The following ZNF462 variants were observed in gnomAD, a reference collection of about 807,000 sequenced individuals.
ZNF462 encodes zinc finger protein 462.
ZNF462 carries 10 observed loss-of-function variants against 201.9 expected under a neutral mutation model. The ratio of observed to expected loss-of-function variants is 0.05; its 90% confidence interval spans 0.03 to 0.08. The LOEUF is 0.08. Among genes scored for constraint, ZNF462 ranks in the 10% least tolerant of loss-of-function variants. ZNF462 has a pLI of 1.00. For missense variants in ZNF462, 2,523 were observed against 3,168.3 expected, an observed-to-expected ratio of 0.80 and a Z score of 4.89; for synonymous variants, 1,227 against 1,193.3, an observed-to-expected ratio of 1.03 and a Z score of -0.58.
At chr9:106,860,474 C>T (rs1341104389), upstream of ZNF462, among the ~76,000 whole-genome samples, 1 of 152,066 alleles carries the variant, frequency 6.6e-6, no homozygotes, top group African/African-American at 2.4e-5. The surrounding 1 kb of genome is among the most constrained non-coding windows in gnomAD (Gnocchi z 7.1). Context: ...TCCCTCCCCA[C>T]CGCCTGGTTC....
At chr9:106,939,575 G>A (rs1830779825) in intron 7 of ZNF462, among the ~76,000 whole-genome samples, 1 of 152,182 alleles carries the variant, frequency 6.6e-6, no homozygotes, top group African/African-American at 2.4e-5. Flanking sequence ...GTGTCTGACT[G>A]AGCCACGTGA....
intron 1 of ZNF462, among the ~76,000 whole-genome samples, chr9:106,875,283 A>G (rs916920384): frequency 5.9e-5 from 9 of 152,304 alleles, no homozygotes; most frequent in African/African-American, 1.9e-4. Context: ...ACAGAAAAAG[A>G]AATTCTTAAG....
Position 106,886,924 on chromosome 9 carries a change from G to A in ZNF462, c.-31+23569G>A, listed in dbSNP as rs2130997994. On this transcript the variant is annotated intron_variant, in intron 1 of 12. Transcript: ENST00000277225. This position sits in a 1 kb window ranked among gnomAD's most constrained non-coding sequence, Gnocchi z 4.6. ...AGAGAAGTCTGCAATAGGCGGGAGA[G>A]GGTAAATGACAGGCGGTGGCACTTC... Among the ~76,000 whole-genome samples, 1 of 152,156 alleles carries A rather than the reference G, an allele frequency of 6.6e-6. No homozygotes were observed. The highest frequency in any genetic ancestry group is 2.4e-5 in the African/African-American group (1 of 41,506).
At chr9:106,869,928 C>G (rs1287775690) in intron 1 of ZNF462, among the ~76,000 whole-genome samples, 1 of 151,658 alleles carries the variant, frequency 6.6e-6, no homozygotes, top group Non-Finnish European at 1.5e-5. Flanking sequence ...TTTTTTTCCC[C>G]TTGAACTTTG....
In ZNF462 at chr9:106,885,734, G is replaced by T. The variant is rs555695083; in HGVS notation, c.-31+22379G>T. ...TCACCCTTTAGGCGTATGGTGCAGA[G>T]CTCATGCTACCATCAAGACTTTAGA... On this transcript the variant is annotated intron_variant, in intron 1 of 12. Transcript: ENST00000277225. The surrounding 1 kb of genome is among the most constrained non-coding windows in gnomAD (Gnocchi z 4.1). 5.9e-5 allele frequency among the ~76,000 whole-genome samples: 9 copies of T among 152,336 alleles called. No homozygotes were observed. The South Asian group carries it at 1.9e-3, about 32-fold the overall frequency.
At chr9:106,898,829 TG>T (rs1357007402) in intron 1 of ZNF462, among the ~76,000 whole-genome samples, 1 of 152,140 alleles carries the variant, frequency 6.6e-6, no homozygotes, top group Non-Finnish European at 1.5e-5. Flanking sequence ...TTGCTGACCA[TG>T]ATGAATTTGG....
At chr9:106,912,061 A>G (rs1432714243) in intron 1 of ZNF462, among the ~76,000 whole-genome samples, 1 of 152,160 alleles carries the variant, frequency 6.6e-6, no homozygotes, top group East Asian at 1.9e-4. Context: ...GACATTCGTA[A>G]GGCTGACTAC....
At position 106,950,605 on chromosome 9, in the gene ZNF462, A is replaced by G. The variant is rs956226279; in HGVS notation, c.6427+11498A>G. Among the ~76,000 whole-genome samples the G allele has an allele frequency of 1.3e-5, 2 of 152,234 alleles. No individual in the cohort carries two copies. Among genetic ancestry groups the G allele is most frequent in the Non-Finnish European group, 2.9e-5 (2 of 68,034 alleles). On this transcript the variant is annotated intron_variant, in intron 7 of 12. Transcript: ENST00000277225. This position sits in a 1 kb window ranked among gnomAD's most constrained non-coding sequence, Gnocchi z 4.1. ...TATTAGAAGAAACATAATAATTGTCATAACTAAACCACAGGCAGACAGTGA... is the reference window on the plus strand; with the variant it reads ...TATTAGAAGAAACATAATAATTGTCGTAACTAAACCACAGGCAGACAGTGA...
intron 1 of ZNF462, among the ~76,000 whole-genome samples, chr9:106,921,648 G>A (rs1346674826): frequency 6.6e-6 from 1 of 152,216 alleles, no homozygotes; most frequent in Admixed American, 6.5e-5. Context: ...GGGGGATGGG[G>A]AGTGCACACT....
intron 1 of ZNF462, among the ~76,000 whole-genome samples, chr9:106,878,651 T>C (rs1249457298): frequency 3.9e-5 from 6 of 152,152 alleles, no homozygotes; most frequent in Non-Finnish European, 5.9e-5. Context: ...ATGATGGAGA[T>C]AGGTGTCCTC....
intron 1 of ZNF462, among the ~76,000 whole-genome samples, chr9:106,891,917 T>G (rs1292845233): frequency 1.3e-5 from 2 of 152,222 alleles, no homozygotes; most frequent in East Asian, 1.9e-4. Flanking sequence ...CACCTTGCTT[T>G]AGAGAGAGAA....
intron 7 of ZNF462, among the ~76,000 whole-genome samples, chr9:106,948,529 T>C (rs147573178): frequency 2.0e-5 from 3 of 152,316 alleles, no homozygotes; most frequent in African/African-American, 7.2e-5. Context: ...TTTATGGCAA[T>C]ACATAATAAA....
rs1356641518 is a variant in ZNF462, at chr9:106,974,424, C to T, written c.6832+151C>T. On this transcript the variant is annotated intron_variant, in intron 9 of 12. Coordinates refer to ENST00000277225, the MANE Select transcript of ZNF462 (RefSeq NM_021224.6). This position sits in a 1 kb window ranked among gnomAD's most constrained non-coding sequence, Gnocchi z 4.0. ...GAAACCACAGTGATAACCACAGTGA[C>T]AGCCAAAAGGGCAAAAACACCTTCC... 6 of 1,252,858 alleles carry T rather than the reference C, an allele frequency of 4.8e-6. No homozygotes were observed. The highest frequency in any genetic ancestry group is 1.5e-5 in the African/African-American group (1 of 67,810). 77.6% of individuals were successfully genotyped at this position (1,252,858 alleles called of 1,614,324 possible). A position where few individuals can be genotyped will look rare whatever the true frequency, so the allele number is the denominator to read the frequency against.
At chr9:106,873,470 T>G (rs1014581147) in intron 1 of ZNF462, among the ~76,000 whole-genome samples, 12 of 152,182 alleles carry the variant, frequency 7.9e-5, no homozygotes, top group African/African-American at 2.9e-4. Flanking sequence ...GGGCCCCTTT[T>G]GAAGCCTCAG....
chr9:106,932,809 AAATGGC>A lies in ZNF462; in HGVS notation c.6116+262_6116+267del. The A allele has an allele frequency of 1.7e-6, 1 of 582,722 alleles. No individual in the cohort carries two copies. Among genetic ancestry groups the A allele is most frequent in the Non-Finnish European group, 3.0e-6 (1 of 328,516 alleles). The allele number at this position is 582,722 out of a possible 1,614,324, so 36.1% of individuals were successfully genotyped here. A position where few individuals can be genotyped will look rare whatever the true frequency, so the allele number is the denominator to read the frequency against. On this transcript the variant is annotated intron_variant, in intron 5 of 12. Transcript: ENST00000277225. This position sits in a 1 kb window ranked among gnomAD's most constrained non-coding sequence, Gnocchi z 6.8. The stretch of plus-strand genomic sequence containing the variant: ...AATTGCTATGATTTACCCAAAGGTA[AAATGGC>A]ATCTGTGGAGAGTAGATGAGTCTCC...
rs1486348218 is a variant in ZNF462, at chr9:106,876,664, T to A, written c.-31+13309T>A. On this transcript the variant is annotated intron_variant, in intron 1 of 12. Transcript: ENST00000277225. The surrounding 1 kb of genome is among the most constrained non-coding windows in gnomAD (Gnocchi z 4.9). ...AGTACATTTATATGGTAACAACGCC[T>A]TCAACCTGACCTTGCAGAGCTATTC... Among the ~76,000 whole-genome samples, 2 of 152,224 alleles carry A rather than the reference T, an allele frequency of 1.3e-5. No homozygotes were observed. The highest frequency in any genetic ancestry group is 4.8e-5 in the African/African-American group (2 of 41,462).
chr9:106,991,361 A>G lies in ZNF462; in HGVS notation c.7056+6952A>G, dbSNP rs139627021. On this transcript the variant is annotated intron_variant, in intron 10 of 12. Transcript: ENST00000277225. Reference sequence around the variant, plus strand: ...TAAGAATACATTTAACATGAGAACTATACACTGAAAACTACAGTGTTGCTG... The same window carrying G: ...TAAGAATACATTTAACATGAGAACTGTACACTGAAAACTACAGTGTTGCTG... Among the ~76,000 whole-genome samples, 452 of 152,204 alleles carry G rather than the reference A, an allele frequency of 3.0e-3. 4 individuals are homozygous for G. Among genetic ancestry groups the G allele is most frequent in the African/African-American group, 0.011 (441 of 41,582 alleles).
In ZNF462 at chr9:106,925,859, C is replaced by A. The variant is rs754206522; in HGVS notation, c.1947C>A (p.Pro649=). 1.2e-6 allele frequency: 2 copies of A among 1,614,088 alleles called. No homozygotes were observed. The highest frequency in any genetic ancestry group is 1.7e-6 in the Non-Finnish European group (2 of 1,180,052). ...LPLENETDSH[P]SSSNTVKKSQ... ...TGGAAAATGAGACAGACAGCCACCC[C>A]TCTTCCAGCAACACTGTGAAGAAAA... Residue 649 remains proline (P), a synonymous_variant, in exon 3 of 13, where the codon CCC becomes CCA. Coordinates refer to ENST00000277225, the MANE Select transcript of ZNF462 (RefSeq NM_021224.6). The surrounding 1 kb of genome is among the most constrained non-coding windows in gnomAD (Gnocchi z 7.9).
rs181645158 is a variant in ZNF462, at chr9:106,993,847, C to A, written c.7056+9438C>A. Among the ~76,000 whole-genome samples, 1 of 152,204 alleles carries A rather than the reference C, an allele frequency of 6.6e-6. No homozygotes were observed. Among genetic ancestry groups the A allele is most frequent in the Non-Finnish European group, 1.5e-5 (1 of 67,988 alleles). On this transcript the variant is annotated intron_variant, in intron 10 of 12. Transcript: ENST00000277225. The surrounding 1 kb of genome is among the most constrained non-coding windows in gnomAD (Gnocchi z 4.0). Reference sequence around the variant, plus strand: ...GCATCTTCAAACTCCTAGGCTCAAGCAATCCTCCCACCTTGGCTTCCCAAA... The same window carrying A: ...GCATCTTCAAACTCCTAGGCTCAAGAAATCCTCCCACCTTGGCTTCCCAAA...
Sources: gnomAD v4.1 joint callset for allele counts (sites outside exome capture counted in the v4.1 genomes callset) on GRCh38, gnomAD v4.1.1 for gene constraint, Gnocchi (gnomAD v3.1) non-coding constraint, MANE v1.5 for transcripts, NCBI Gene and HGNC (gene_info 2026-07-23, HGNC 2026-07-21) for gene names.